Variants in ASAP2 observed in about 807,000 individuals in gnomAD.
The protein encoded by ASAP2 is arf-GAP with SH3 domain, ANK repeat and PH domain-containing protein 2.
ASAP2 carries 45 observed loss-of-function variants against 131.4 expected under a neutral mutation model. The ratio of observed to expected loss-of-function variants is 0.34; its 90% CI spans 0.27 to 0.44. The LOEUF (loss-of-function observed/expected upper bound fraction) is 0.44, where lower values mean the gene tolerates loss of function less well. Among genes scored for constraint, ASAP2 ranks in the 20% least tolerant of loss-of-function variants. ASAP2 has a pLI of 1.00. For synonymous variants in ASAP2, 510 were observed against 503.0 expected (o/e 1.01, Z -0.19); for missense variants, 1,011 against 1,297.0 (o/e 0.78, Z 3.39).
chr2:9,331,113 G>T (rs984366562), intron 7 of ASAP2, among the ~76,000 whole-genome samples: 1 of 152,218 alleles, frequency 6.6e-6, no homozygotes, highest in African/African-American at 2.4e-5. Context: ...GCCCCCAAGG[G>T]CACAGCTTTG....
chr2:9,342,149 A>C (rs1303220574), intron 9 of ASAP2, among the ~76,000 whole-genome samples: 1 of 152,248 alleles, frequency 6.6e-6, no homozygotes, highest in East Asian at 1.9e-4. Context: ...TTTGTGCAGA[A>C]ATTGACAAGC....
chr2:9,314,836 C>T (rs1346404394), intron 3 of ASAP2, among the ~76,000 whole-genome samples: 1 of 146,764 alleles, frequency 6.8e-6, no homozygotes, highest in African/African-American at 2.5e-5. Flanking sequence ...GAGGCTGAGG[C>T]GGGAGGATCA....
intron 18 of ASAP2, among the ~76,000 whole-genome samples, chr2:9,378,546 C>G (rs1674578650): frequency 6.6e-6 from 1 of 152,210 alleles, no homozygotes; most frequent in South Asian, 2.1e-4. Context: ...ACACAGGCAT[C>G]CAGAGGCCCT....
At chr2:9,379,990 C>CAAA (rs1242941951) in intron 19 of ASAP2, among the ~76,000 whole-genome samples, 1 of 81,672 alleles carries the variant, frequency 1.2e-5, no homozygotes, top group Non-Finnish European at 2.5e-5. Flanking sequence ...GACTCCATCT[C>CAAA]AAAAAAAAAA....
intron 3 of ASAP2, among the ~76,000 whole-genome samples, chr2:9,302,689 G>A (rs1668577242): frequency 6.6e-6 from 1 of 152,076 alleles, no homozygotes; most frequent in Non-Finnish European, 1.5e-5. Flanking sequence ...TGGCCAGGCT[G>A]GTCTCGAACT....
chr2:9,290,448 G>T (rs1233914562), intron 2 of ASAP2, among the ~76,000 whole-genome samples: 1 of 152,168 alleles, frequency 6.6e-6, no homozygotes, highest in African/African-American at 2.4e-5. Flanking sequence ...GACCTCAAGA[G>T]ATCTGCCCAT....
chr2:9,395,588 T>TTTTTTC (rs1420815661), intron 24 of ASAP2, among the ~76,000 whole-genome samples: 49 of 134,702 alleles, frequency 3.6e-4, no homozygotes, highest in South Asian at 4.7e-4. Flanking sequence ...TTCTTGTGTT[T>TTTTTTC]TTTTTCTTTT....
At chr2:9,308,768 G>A in intron 3 of ASAP2, among the ~76,000 whole-genome samples, 1 of 152,138 alleles carries the variant, frequency 6.6e-6, no homozygotes, top group Non-Finnish European at 1.5e-5. Context: ...GAGGCAACGT[G>A]GATGACTCAA....
intron 1 of ASAP2, among the ~76,000 whole-genome samples, chr2:9,247,458 C>A (rs769137651): frequency 1.3e-5 from 2 of 152,188 alleles, no homozygotes; most frequent in Non-Finnish European, 2.9e-5. Flanking sequence ...TTACCTCATG[C>A]GCTGCTTTCG....
Position 9,344,465 on chromosome 2 carries a change from T to G in ASAP2, c.850-67T>G, listed in dbSNP as rs1364853378. 12 of 1,358,262 alleles carry G rather than the reference T, an allele frequency of 8.8e-6. No individual in the cohort carries two copies. The African/African-American group carries it at 1.6e-4, about 18-fold the overall frequency. The allele number at this position is 1,358,262 out of a possible 1,614,324, so 84.1% of individuals were successfully genotyped here. On this transcript the variant is annotated intron_variant, in intron 9 of 27. Coordinates refer to ENST00000281419, the MANE Select transcript of ASAP2 (RefSeq NM_003887.3). ...AAACACATTAGGCATAAGTTTCCTTTGTGTACTGCTTTTCTAAAAATTAGG... is the reference window on the plus strand; with the variant it reads ...AAACACATTAGGCATAAGTTTCCTTGGTGTACTGCTTTTCTAAAAATTAGG...
chr2:9,267,961 C>T (rs975889924), intron 1 of ASAP2, among the ~76,000 whole-genome samples: 9 of 151,156 alleles, frequency 6.0e-5, no homozygotes, highest in African/African-American at 1.5e-4. Flanking sequence ...GCACTCCAAG[C>T]GCGCCCCGCA....
intron 1 of ASAP2, among the ~76,000 whole-genome samples, chr2:9,250,452 A>G (rs998083405): frequency 1.3e-5 from 2 of 152,186 alleles, no homozygotes; most frequent in Admixed American, 1.3e-4. Flanking sequence ...GATGCCAGAC[A>G]TGTGGCCCTT....
intron 1 of ASAP2, among the ~76,000 whole-genome samples, chr2:9,213,031 C>T (rs1661710160): frequency 6.6e-6 from 1 of 152,224 alleles, no homozygotes; most frequent in Non-Finnish European, 1.5e-5. Context: ...TTAAAGCCTC[C>T]TCCCAAATAG....
intron 1 of ASAP2, among the ~76,000 whole-genome samples, chr2:9,269,506 A>G (rs956723684): frequency 6.6e-6 from 1 of 152,190 alleles, no homozygotes; most frequent in African/African-American, 2.4e-5. Context: ...GTGGGGGACC[A>G]AGAAGAGGTA....
intron 4 of ASAP2, among the ~76,000 whole-genome samples, 199 bp downstream of exon 4, chr2:9,318,797 G>A (rs984092072): frequency 5.3e-5 from 8 of 152,200 alleles, no homozygotes; most frequent in African/African-American, 2.4e-5. Context: ...CTTTCTGGCC[G>A]TCCTGTTGGC....
chr2:9,249,488 G>A (rs747358128), intron 1 of ASAP2, among the ~76,000 whole-genome samples: 8 of 152,198 alleles, frequency 5.3e-5, no homozygotes, highest in Non-Finnish European at 8.8e-5. Flanking sequence ...CTCTCATGAC[G>A]CCATGCCTGC....
At chr2:9,393,046 C>T (rs1371711042) in intron 23 of ASAP2, among the ~76,000 whole-genome samples, 1 of 152,218 alleles carries the variant, frequency 6.6e-6, no homozygotes, top group Non-Finnish European at 1.5e-5. Flanking sequence ...TCCTCAGATC[C>T]ACCCTGCCCA....
chr2:9,387,274 G>GCCAGATA (rs1352694291), intron 21 of ASAP2, among the ~76,000 whole-genome samples: 1 of 151,376 alleles, frequency 6.6e-6, no homozygotes, highest in African/African-American at 2.4e-5. Context: ...CTCTTAAAGG[G>GCCAGATA]CCAGATAGTA....
At chr2:9,292,124 A>T (rs1667854491) in intron 2 of ASAP2, among the ~76,000 whole-genome samples, 1 of 152,044 alleles carries the variant, frequency 6.6e-6, no homozygotes, top group African/African-American at 2.4e-5. Flanking sequence ...ATCTTTCAGG[A>T]TCCATGGAAT....
Sources: allele counts gnomAD v4.1 joint callset (sites outside exome capture counted in the v4.1 genomes callset), GRCh38; gene constraint gnomAD v4.1.1; transcripts MANE v1.5; gene names NCBI Gene and HGNC (gene_info 2026-07-23, HGNC 2026-07-21).